TMPRSS15: variants seen among roughly 807,000 people sequenced by gnomAD.
TMPRSS15 encodes the protein enteropeptidase.
A neutral mutation model predicts 125.3 loss-of-function variants in TMPRSS15; 128 were observed. The observed-to-expected ratio is 1.02, with a 90% CI of 0.89 to 1.18. TMPRSS15 has a LOEUF of 1.18. Among genes scored for constraint, TMPRSS15 ranks in the 50% most tolerant of loss-of-function variants. TMPRSS15 has a pLI of 0.00. For missense variants in TMPRSS15, 1,283 were observed against 1,212.7 expected, an observed-to-expected ratio of 1.06 and a Z score of -0.86; for synonymous variants, 446 against 423.2, an observed-to-expected ratio of 1.05 and a Z score of -0.66.
intron 1 of TMPRSS15, among the ~76,000 whole-genome samples, chr21:18,454,103 A>G (rs1978392701): frequency 6.6e-6 from 1 of 152,202 alleles, no homozygotes. Context: ...CTTTAATTTT[A>G]CAACAATGGA....
At chr21:18,294,569 G>A (rs778888023) in intron 20 of TMPRSS15, 34 bp downstream of exon 20, 3 of 1,604,768 alleles carry the variant, frequency 1.9e-6, no homozygotes, top group Non-Finnish European at 2.6e-6. Flanking sequence ...TAAACAGAAT[G>A]CTTGAAGTGG....
chr21:18,399,406 C>T (rs946350435), intron 1 of TMPRSS15, among the ~76,000 whole-genome samples: 2 of 152,012 alleles, frequency 1.3e-5, no homozygotes, highest in African/African-American at 4.8e-5. Flanking sequence ...GCTTTAATTG[C>T]ATAATTGATG....
intron 15 of TMPRSS15, among the ~76,000 whole-genome samples, chr21:18,328,030 G>A (rs1015990454): frequency 6.6e-5 from 10 of 152,088 alleles, no homozygotes; most frequent in African/African-American, 2.2e-4. Context: ...TCCAGCCTGG[G>A]TGACAGAGCG....
chr21:18,458,625 A>G (rs540300032), intron 1 of TMPRSS15, among the ~76,000 whole-genome samples: 2 of 152,306 alleles, frequency 1.3e-5, no homozygotes, highest in African/African-American at 4.8e-5. Flanking sequence ...GCCTGTCACT[A>G]ACAATAGAAA....
At chr21:18,387,936 A>G (rs2075959778) in intron 3 of TMPRSS15, among the ~76,000 whole-genome samples, 1 of 152,142 alleles carries the variant, frequency 6.6e-6, no homozygotes, top group Non-Finnish European at 1.5e-5. Flanking sequence ...AATAATTTAT[A>G]AAGTTAATAA....
Position 18,417,468 on chromosome 21 carries a change from T to C in TMPRSS15, c.11-19139A>G, listed in dbSNP as rs537502262. Among the ~76,000 whole-genome samples the C allele has an allele frequency of 6.6e-5, 10 of 152,278 alleles. No homozygotes were observed. In the South Asian group the frequency reaches 1.9e-3, roughly 28 times the overall value. ...CAGTAATCTAATTAAAATATGCAATTAAAATAGTTAATGCAATTTTCTATG... is the reference window on the plus strand; with the variant it reads ...CAGTAATCTAATTAAAATATGCAATCAAAATAGTTAATGCAATTTTCTATG... On this transcript the variant is annotated intron_variant, in intron 1 of 7. Transcript: ENST00000422787.
chr21:18,364,028 T>A (rs1389146711), intron 7 of TMPRSS15, among the ~76,000 whole-genome samples: 3 of 152,132 alleles, frequency 2.0e-5, no homozygotes, highest in African/African-American at 7.2e-5. Flanking sequence ...TATAGAACAA[T>A]CTTTTTCTCA....
At chr21:18,374,134 G>T (rs1342268223) in intron 5 of TMPRSS15, among the ~76,000 whole-genome samples, 1 of 152,142 alleles carries the variant, frequency 6.6e-6, no homozygotes, top group Non-Finnish European at 1.5e-5. Context: ...ACCTAGAAAG[G>T]CACCAGGAGG....
At chr21:18,475,942 GATTTA>G (rs1568737801) in intron 1 of TMPRSS15, among the ~76,000 whole-genome samples, 1 of 152,042 alleles carries the variant, frequency 6.6e-6, no homozygotes, top group East Asian at 1.9e-4. Context: ...TTAAATGTAA[GATTTA>G]ATTTTATTGA....
At chr21:18,370,722 C>T (rs1048486642) in intron 6 of TMPRSS15, among the ~76,000 whole-genome samples, 9 of 152,090 alleles carry the variant, frequency 5.9e-5, no homozygotes, top group South Asian at 2.1e-4. Context: ...ACATTTGCAT[C>T]GGGATTGCTT....
intron 1 of TMPRSS15, among the ~76,000 whole-genome samples, chr21:18,438,735 A>G (rs2076234924): frequency 6.6e-6 from 1 of 152,224 alleles, no homozygotes; most frequent in Non-Finnish European, 1.5e-5. Flanking sequence ...CTGATAACAA[A>G]CAATAATCTA....
chr21:18,436,346 G>T (rs1252258374), intron 1 of TMPRSS15, among the ~76,000 whole-genome samples: 1 of 151,968 alleles, frequency 6.6e-6, no homozygotes, highest in Admixed American at 6.6e-5. Flanking sequence ...TGTTCTCATT[G>T]GTTTCAAAGA....
At chr21:18,411,737 T>C (rs73196483) in intron 1 of TMPRSS15, among the ~76,000 whole-genome samples, 19,119 of 152,168 alleles carry the variant, frequency 0.13, 1,338 homozygotes, top group East Asian at 0.3. Context: ...GTTTTTTACC[T>C]TGCCATATGA....
chr21:18,354,168 G>T (rs2075601666), intron 8 of TMPRSS15, among the ~76,000 whole-genome samples: 1 of 151,670 alleles, frequency 6.6e-6, no homozygotes, highest in Non-Finnish European at 1.5e-5. Flanking sequence ...TCATTTACTG[G>T]CAAAGTTCAT....
intron 1 of TMPRSS15, among the ~76,000 whole-genome samples, chr21:18,473,450 C>A (rs190847089): frequency 1.3e-5 from 2 of 152,092 alleles, no homozygotes; most frequent in Admixed American, 1.3e-4. Context: ...CAAAAAAGAA[C>A]CTCATAATAT....
chr21:18,352,052 T>C lies in TMPRSS15; in HGVS notation c.1171+851A>G, dbSNP rs542094908. ...AGATGAATTTTGACTAAGAAAATTA[T>C]ATAAATTCACAACTTTTCACTGTTT... On this transcript the variant is annotated intron_variant, in intron 10 of 24. Coordinates refer to ENST00000284885, the MANE Select transcript of TMPRSS15 (RefSeq NM_002772.3). 2.2e-5 allele frequency among the ~76,000 whole-genome samples: 3 copies of C among 135,566 alleles called. No individual in the cohort carries two copies. The Admixed American group carries it at 2.3e-4, about 11-fold the overall frequency. The allele number at this position is 135,566 out of a possible 152,430, so 88.9% of individuals were successfully genotyped here. A position where few individuals can be genotyped will look rare whatever the true frequency, so the allele number is the denominator to read the frequency against.
intron 1 of TMPRSS15, among the ~76,000 whole-genome samples, chr21:18,402,086 G>A (rs1320433403): frequency 6.6e-6 from 1 of 152,018 alleles, no homozygotes; most frequent in Admixed American, 6.6e-5. Flanking sequence ...TATAGCCCGT[G>A]TGTATGTCTA....
chr21:18,479,576 A>G (rs954914716), intron 1 of TMPRSS15, among the ~76,000 whole-genome samples: 13 of 151,978 alleles, frequency 8.6e-5, no homozygotes, highest in African/African-American at 3.1e-4. Flanking sequence ...GAAAGTGGGC[A>G]AAAGATATGA....
intron 21 of TMPRSS15, among the ~76,000 whole-genome samples, chr21:18,284,890 A>T (rs2074744104): frequency 6.6e-6 from 1 of 151,994 alleles, no homozygotes; most frequent in Non-Finnish European, 1.5e-5. Flanking sequence ...AATCCCAGCT[A>T]CTCAGGAGGC....
Sources: gnomAD v4.1 joint callset for allele counts (sites outside exome capture counted in the v4.1 genomes callset) on GRCh38, gnomAD v4.1.1 for gene constraint, MANE v1.5 for transcripts, NCBI Gene and HGNC (gene_info 2026-07-23, HGNC 2026-07-21) for gene names.